The following LPL variants were observed in gnomAD, a reference collection of about 807,000 sequenced individuals.
LPL encodes phospholipase A1.
LPL carries 43 observed loss-of-function variants against 52.2 expected under a neutral mutation model. That is an observed-to-expected ratio of 0.82 (90% CI 0.64 to 1.06). The LOEUF (loss-of-function observed/expected upper bound fraction) is 1.06. Among genes scored for constraint, LPL ranks in the 50% least tolerant of loss-of-function variants. LPL has a pLI of 0.00. For missense variants in LPL, 639 were observed against 585.3 expected (o/e 1.09, Z -0.95); for synonymous variants, 244 against 215.6 (o/e 1.13, Z -1.15).
At chr8:19,942,759 G>C (rs1053334982) in intron 1 of LPL, among the ~76,000 whole-genome samples, 3 of 152,218 alleles carry the variant, frequency 2.0e-5, no homozygotes, top group Non-Finnish European at 2.9e-5. Context: ...CTGCGTGACT[G>C]CAGTTTGCTG....
Position 19,959,264 on chromosome 8 carries a change from C to A in LPL, c.1023C>A (p.Phe341Leu). The A allele has an allele frequency of 6.2e-7, 1 of 1,614,098 alleles. No individual in the cohort carries two copies. Among genetic ancestry groups the A allele is most frequent in the Non-Finnish European group, 8.5e-7 (1 of 1,179,990 alleles). Residue 341 changes from phenylalanine (F) to leucine (L), a missense_variant, in exon 7 of 10, where the codon TTC becomes TTA. Transcript: ENST00000650287. The part of the protein sequence containing the change: ...KTRSQMPYKV[F>L]HYQVKIHFSG... ...TTCGAATTTCCTCCCCAACAGTCTT[C>A]CATTACCAAGTAAAGATTCATTTTT...
Position 19,939,512 on chromosome 8 carries a change from G to A in LPL, c.72G>A (p.Gly24=). The change falls in exon 1 of 10, where the codon GGG becomes GGA. Residue 24 remains glycine (G), a synonymous_variant. Transcript: ENST00000650287. This position sits in a 1 kb window ranked among gnomAD's most constrained non-coding sequence, Gnocchi z 4.0. The part of the protein sequence containing the change: ...WLQSLTASRG[G]VAAADQRRDF... ...AGAGTCTGACCGCCTCCCGCGGAGG[G>A]GTGGCCGCCGCCGACCGTAAGTTTT... 6.2e-7 allele frequency: 1 copy of A among 1,608,886 alleles called. No homozygotes were observed. Among genetic ancestry groups the A allele is most frequent in the Non-Finnish European group, 8.5e-7 (1 of 1,178,370 alleles).
intron 6 of LPL, among the ~76,000 whole-genome samples, chr8:19,958,567 TA>T (rs293): frequency 2.0e-5 from 3 of 151,962 alleles, no homozygotes; most frequent in Non-Finnish European, 2.9e-5. Flanking sequence ...AGTTCTTTTT[TA>T]AAAAAAATTT....
At chr8:19,940,038 G>C (rs1042429593) in intron 1 of LPL, among the ~76,000 whole-genome samples, 6 of 152,192 alleles carry the variant, frequency 3.9e-5, no homozygotes, top group African/African-American at 1.4e-4. Context: ...GGGGCGCGGG[G>C]AGGCGTTCCG....
intron 1 of LPL, among the ~76,000 whole-genome samples, chr8:19,940,399 G>A (rs1337102001): frequency 6.6e-6 from 1 of 152,200 alleles, no homozygotes. Flanking sequence ...GCGCGGCTGC[G>A]AGCACGTGGG....
chr8:19,965,586 G>T lies in LPL; in HGVS notation c.*276G>T. ...TGAAAAGTGCTGTTTTGTCCTTTGA[G>T]AAAGAAATAATTGTTTGAGCGCAGA... On this transcript the variant is annotated 3_prime_UTR_variant, in exon 10 of 10. Coordinates refer to ENST00000650287, the MANE Select transcript of LPL (RefSeq NM_000237.3). 2.3e-6 allele frequency: 1 copy of T among 434,958 alleles called. No individual in the cohort carries two copies. The highest frequency in any genetic ancestry group is 3.6e-5 in the East Asian group (1 of 27,710). The allele number at this position is 434,958 out of a possible 1,614,324, so 26.9% of individuals were successfully genotyped here.
intron 1 of LPL, among the ~76,000 whole-genome samples, chr8:19,945,691 T>C (rs2069877264): frequency 6.6e-6 from 1 of 152,172 alleles, no homozygotes; most frequent in African/African-American, 2.4e-5. Context: ...TTGTGGTCAT[T>C]TCAAAACCAC....
intron 1 of LPL, among the ~76,000 whole-genome samples, chr8:19,945,200 T>C (rs28615996): frequency 0.087 from 13,264 of 152,206 alleles, 1,540 homozygotes; most frequent in African/African-American, 0.27. Context: ...ACAGGATGCA[T>C]TGGGACAAAT....
intron 1 of LPL, among the ~76,000 whole-genome samples, chr8:19,947,499 G>A (rs572000058): frequency 5.1e-4 from 78 of 152,118 alleles, no homozygotes; most frequent in African/African-American, 1.6e-3. Flanking sequence ...TTAGCCTGGC[G>A]TGGTGGCACG....
Position 19,950,655 on chromosome 8 carries a change from T to A in LPL, c.250-1114T>A, listed in dbSNP as rs1395390973. 6.6e-6 allele frequency among the ~76,000 whole-genome samples: 1 copy of A among 152,000 alleles called. No individual in the cohort carries two copies. The highest frequency in any genetic ancestry group is 2.4e-5 in the African/African-American group (1 of 41,378). On this transcript the variant is annotated intron_variant, in intron 2 of 9. Coordinates refer to ENST00000650287, the MANE Select transcript of LPL (RefSeq NM_000237.3). The surrounding 1 kb of genome is among the most constrained non-coding windows in gnomAD (Gnocchi z 4.2). ...TCTCTACTAAAAAAATACAAAAAAATTAGCCAGGTGTGGTGGTATGTGCTT... is the reference window on the plus strand; with the variant it reads ...TCTCTACTAAAAAAATACAAAAAAAATAGCCAGGTGTGGTGGTATGTGCTT...
intron 1 of LPL, among the ~76,000 whole-genome samples, chr8:19,943,018 G>C (rs6997330): frequency 0.078 from 11,852 of 152,154 alleles, 1,164 homozygotes; most frequent in African/African-American, 0.24. Context: ...AAACGAAAAC[G>C]TCTCCCACCA....
rs753561788 is a variant in LPL, at chr8:19,962,148, T to A, written c.1356T>A (p.His452Gln). 2.5e-6 allele frequency: 4 copies of A among 1,613,914 alleles called. No individual in the cohort carries two copies. Among genetic ancestry groups the A allele is most frequent in the Non-Finnish European group, 3.4e-6 (4 of 1,179,824 alleles). ...TCTGTTCTAGGGAGAAAGTGTCTCA[T>A]TTGCAGAAAGGAAAGGCACCTGCGG... ...VIFCSREKVS[H>Q]LQKGKAPAVF... The change falls in exon 9 of 10, where the codon CAT (histidine) becomes CAA (glutamine). Residue 452 changes from histidine to glutamine, a missense_variant. By Grantham distance (24) the His-to-Gln change is conservative. Transcript: ENST00000650287.
In LPL at chr8:19,956,002, C is replaced by G; in HGVS notation, c.937C>G (p.Leu313Val). Residue 313 changes from leucine (L) to valine (V), a missense_variant, in exon 6 of 10, where the codon CTG becomes GTG. Leu to Val is a conservative substitution (Grantham distance 32). Coordinates refer to ENST00000650287, the MANE Select transcript of LPL (RefSeq NM_000237.3). ...TTGTAGAAAGAACCGCTGCAACAAT[C>G]TGGGCTATGAGATCAATAAAGTCAG... Reference protein sequence around the residue: ...LSCRKNRCNNLGYEINKVRAK... With the variant: ...LSCRKNRCNNVGYEINKVRAK... The G allele has an allele frequency of 6.2e-7, 1 of 1,614,152 alleles. No individual in the cohort carries two copies. The highest frequency in any genetic ancestry group is 1.6e-4 in the Middle Eastern group (1 of 6,062).
intron 7 of LPL, among the ~76,000 whole-genome samples, chr8:19,959,775 C>CTTT (rs1236072403): frequency 9.9e-6 from 1 of 100,730 alleles, no homozygotes; most frequent in Admixed American, 9.9e-5. Flanking sequence ...AAAGTGTTAG[C>CTTT]TCTTTTTTTT....
At chr8:19,960,234 A>T (rs1055537295) in intron 7 of LPL, among the ~76,000 whole-genome samples, 1 of 152,244 alleles carries the variant, frequency 6.6e-6, no homozygotes, top group Non-Finnish European at 1.5e-5. Context: ...TCACGGCTAG[A>T]ACCCTCCAGG....
chr8:19,950,532 G>A lies in LPL; in HGVS notation c.250-1237G>A, dbSNP rs903212189. ...TGGAAACACTGGGCTGGGAGCGGTG[G>A]CTCATGCCTGTGATCCCAGCACTCT... is the stretch of plus-strand genomic sequence containing the variant. On this transcript the variant is annotated intron_variant, in intron 2 of 9. Transcript: ENST00000650287. This position sits in a 1 kb window ranked among gnomAD's most constrained non-coding sequence, Gnocchi z 4.2. Among the ~76,000 whole-genome samples, 1 of 152,234 alleles carries A rather than the reference G, an allele frequency of 6.6e-6. No individual in the cohort carries two copies. The highest frequency in any genetic ancestry group is 2.4e-5 in the African/African-American group (1 of 41,462).
At chr8:19,942,060 G>C (rs1447807942) in intron 1 of LPL, among the ~76,000 whole-genome samples, 1 of 152,216 alleles carries the variant, frequency 6.6e-6, no homozygotes, top group Non-Finnish European at 1.5e-5. Flanking sequence ...GTCACTGAAG[G>C]AGAGCTCAGC....
At chr8:19,946,485 T>A (rs56321069) in intron 1 of LPL, 63,863 of 206,218 alleles carry the variant, frequency 0.31, 12,999 homozygotes, top group African/African-American at 0.63. Flanking sequence ...AAATGCCTAT[T>A]CTTTCACTGT....
At chr8:19,951,252 T>C (rs1396824795) in intron 2 of LPL, among the ~76,000 whole-genome samples, 1 of 152,222 alleles carries the variant, frequency 6.6e-6, no homozygotes, top group African/African-American at 2.4e-5. Context: ...TAGGGGATCC[T>C]GGCTGAAACA....
Sources: allele counts gnomAD v4.1 joint callset (sites outside exome capture counted in the v4.1 genomes callset), GRCh38; gene constraint gnomAD v4.1.1; non-coding constraint Gnocchi (gnomAD v3.1); transcripts MANE v1.5; gene names NCBI Gene and HGNC (gene_info 2026-07-23, HGNC 2026-07-21).